The following CPNE8 variants were observed in gnomAD, a reference collection of about 807,000 sequenced individuals.
The protein encoded by CPNE8 is copine-8.
CPNE8 carries 45 observed loss-of-function variants against 81.5 expected under a neutral mutation model. That is an observed-to-expected ratio of 0.55 (90% CI 0.44 to 0.71). The LOEUF is 0.71. CPNE8 is among the 30% of genes least tolerant of loss of function. CPNE8 has a pLI of 0.00. For missense variants in CPNE8, 594 were observed against 672.1 expected, an observed-to-expected ratio of 0.88 and a Z score of 1.28; for synonymous variants, 252 against 226.3, an observed-to-expected ratio of 1.11 and a Z score of -1.02.
chr12:38,724,502 T>C (rs1051304869), intron 12 of CPNE8, among the ~76,000 whole-genome samples: 3 of 152,044 alleles, frequency 2.0e-5, no homozygotes, highest in African/African-American at 7.2e-5. Context: ...CTATAAAGAG[T>C]ATAGTATTTC....
intron 9 of CPNE8, 125 bp from the exon 10 acceptor site, chr12:38,761,013 A>G: frequency 2.8e-6 from 2 of 712,058 alleles, no homozygotes. Context: ...TTTACATATG[A>G]ATTTGAAGTT....
intron 6 of CPNE8, among the ~76,000 whole-genome samples, chr12:38,778,430 T>G (rs1454429353): frequency 6.6e-6 from 1 of 152,230 alleles, no homozygotes; most frequent in East Asian, 1.9e-4. Flanking sequence ...TCTAAAACTA[T>G]GGGTTTCACT....
intron 6 of CPNE8, among the ~76,000 whole-genome samples, chr12:38,811,518 C>T (rs937685212): frequency 6.6e-6 from 1 of 151,932 alleles, no homozygotes; most frequent in African/African-American, 2.4e-5. Context: ...AATTAAGAAA[C>T]ATAAAAAAAG....
At chr12:38,681,755 C>T (rs980477253) in intron 16 of CPNE8, among the ~76,000 whole-genome samples, 7 of 152,144 alleles carry the variant, frequency 4.6e-5, no homozygotes, top group African/African-American at 1.7e-4. Context: ...TCTTGCTATC[C>T]CTTACAATTA....
intron 6 of CPNE8, among the ~76,000 whole-genome samples, chr12:38,811,866 C>A (rs1358987128): frequency 4.6e-5 from 7 of 152,144 alleles, no homozygotes; most frequent in African/African-American, 1.7e-4. Flanking sequence ...AGCAAGATTC[C>A]AGCTCTTAAA....
chr12:38,795,867 G>GGATAGATATAGATA (rs1555160623), intron 6 of CPNE8, among the ~76,000 whole-genome samples: 1 of 148,134 alleles, frequency 6.8e-6, no homozygotes, highest in African/African-American at 2.5e-5. Context: ...ATGGATGGAT[G>GGATAGATATAGATA]GATAGATAGA....
intron 10 of CPNE8, among the ~76,000 whole-genome samples, chr12:38,754,427 T>TA (rs1263833255): frequency 3.3e-5 from 5 of 151,978 alleles, no homozygotes; most frequent in Non-Finnish European, 5.9e-5. Context: ...GGATATATAT[T>TA]AAAAAAACAC....
intron 6 of CPNE8, among the ~76,000 whole-genome samples, chr12:38,784,165 T>A (rs1942118570): frequency 6.6e-6 from 1 of 152,134 alleles, no homozygotes; most frequent in South Asian, 2.1e-4. Flanking sequence ...TAACAAAAAA[T>A]TAAAATAATT....
At chr12:38,661,881 A>G (rs1420833864) in intron 19 of CPNE8, among the ~76,000 whole-genome samples, 7 of 143,654 alleles carry the variant, frequency 4.9e-5, no homozygotes, top group African/African-American at 1.7e-4. Flanking sequence ...GATACATCAT[A>G]TGAACAGAAT....
At position 38,902,167 on chromosome 12, in the gene CPNE8, A is replaced by C. The variant is rs112159667; in HGVS notation, c.98+3270T>G. Among the ~76,000 whole-genome samples the C allele has an allele frequency of 3.5e-3, 526 of 150,884 alleles. 5 individuals are homozygous for C. Among genetic ancestry groups the C allele is most frequent in the African/African-American group, 0.012 (493 of 40,884 alleles). On this transcript the variant is annotated intron_variant, in intron 1 of 19. Coordinates refer to ENST00000331366, the MANE Select transcript of CPNE8 (RefSeq NM_153634.3). ...AAAGAAAGGAAATGAAGAAAAGAAAAGGAAAGGAAAGAGAAAAAAGAAAAG... is the reference window on the plus strand; with the variant it reads ...AAAGAAAGGAAATGAAGAAAAGAAACGGAAAGGAAAGAGAAAAAAGAAAAG...
At chr12:38,790,811 C>A (rs1378615657) in intron 6 of CPNE8, among the ~76,000 whole-genome samples, 1 of 151,518 alleles carries the variant, frequency 6.6e-6, no homozygotes, top group Non-Finnish European at 1.5e-5. Context: ...GAATAAATGA[C>A]CTTTGAGAGA....
intron 19 of CPNE8, among the ~76,000 whole-genome samples, chr12:38,655,693 T>C (rs1352437643): frequency 6.6e-6 from 1 of 152,142 alleles, no homozygotes; most frequent in African/African-American, 2.4e-5. Context: ...ATCAGGTTGC[T>C]ACAGGTAAAC....
chr12:38,806,822 T>G (rs899787217), intron 6 of CPNE8, among the ~76,000 whole-genome samples: 3 of 149,666 alleles, frequency 2.0e-5, no homozygotes, highest in African/African-American at 7.3e-5. Flanking sequence ...TGTCCCTGTT[T>G]GCAGATGACA....
chr12:38,849,703 G>T (rs1048114468), intron 3 of CPNE8, among the ~76,000 whole-genome samples: 2 of 152,130 alleles, frequency 1.3e-5, no homozygotes, highest in Non-Finnish European at 1.5e-5. Flanking sequence ...TATGCCATTG[G>T]ACAATGTTTT....
intron 10 of CPNE8, among the ~76,000 whole-genome samples, chr12:38,755,701 G>A (rs1408040223): frequency 1.3e-5 from 2 of 152,146 alleles, no homozygotes; most frequent in Non-Finnish European, 2.9e-5. Context: ...CCAATGTCAA[G>A]CAATGCCTCT....
intron 6 of CPNE8, among the ~76,000 whole-genome samples, chr12:38,797,486 G>T (rs1476621346): frequency 6.6e-6 from 1 of 152,138 alleles, no homozygotes. Flanking sequence ...GCAGCTGAGG[G>T]TCCTGTCTGT....
intron 5 of CPNE8, among the ~76,000 whole-genome samples, chr12:38,837,127 A>G (rs537243152): frequency 1.3e-5 from 2 of 152,166 alleles, no homozygotes; most frequent in Non-Finnish European, 2.9e-5. Context: ...TAGAAAAGTA[A>G]TGAGAATCTG....
chr12:38,741,832 AAAC>A (rs1302255111), intron 10 of CPNE8, among the ~76,000 whole-genome samples: 1 of 152,122 alleles, frequency 6.6e-6, no homozygotes, highest in Non-Finnish European at 1.5e-5. Context: ...GCAAGAAAAA[AAAC>A]AAACAACCCC....
At chr12:38,906,418 G>A, upstream of CPNE8, 3 of 985,432 alleles carry the variant, frequency 3.0e-6, no homozygotes, top group Non-Finnish European at 2.4e-6. Context: ...TGGTTCTTCG[G>A]AGCTTAGAGG....
Sources: gnomAD v4.1 joint callset for allele counts (sites outside exome capture counted in the v4.1 genomes callset) on GRCh38, gnomAD v4.1.1 for gene constraint, MANE v1.5 for transcripts, NCBI Gene and HGNC (gene_info 2026-07-23, HGNC 2026-07-21) for gene names.